TESK2: variants seen among roughly 807,000 people sequenced by gnomAD.
TESK2 encodes dual specificity testis-specific protein kinase 2.
A neutral mutation model predicts 57.1 loss-of-function variants in TESK2; 39 were observed. The observed-to-expected ratio is 0.68, with a 90% confidence interval of 0.53 to 0.89. The LOEUF is 0.89. Among genes scored for constraint, TESK2 ranks in the 40% least tolerant of loss-of-function variants. The probability of loss-of-function intolerance (pLI) is 0.00; values close to 1 mark genes in which losing one functional copy is unlikely to be tolerated. For synonymous variants in TESK2, 249 were observed against 267.9 expected, an observed-to-expected ratio of 0.93 and a Z score of 0.69; for missense variants, 646 against 732.1, an observed-to-expected ratio of 0.88 and a Z score of 1.36.
chr1:45,453,341 CAAAA>C (rs560016914), intron 2 of TESK2, among the ~76,000 whole-genome samples: 2 of 53,156 alleles, frequency 3.8e-5, no homozygotes, highest in Non-Finnish European at 8.5e-5. Flanking sequence ...GACCCTGTCT[CAAAA>C]AAAAAAAAAA....
At chr1:45,474,311 G>A (rs1405547743) in intron 1 of TESK2, among the ~76,000 whole-genome samples, 1 of 152,004 alleles carries the variant, frequency 6.6e-6, no homozygotes, top group Admixed American at 6.6e-5. Flanking sequence ...CCTGGGTGAT[G>A]GAGTGAGATT....
chr1:45,382,367 T>C (rs979881079), intron 4 of TESK2, among the ~76,000 whole-genome samples: 8 of 152,098 alleles, frequency 5.3e-5, no homozygotes, highest in Admixed American at 5.2e-4. Context: ...GCCTCTCCAA[T>C]AGCTGGGACT....
intron 4 of TESK2, among the ~76,000 whole-genome samples, chr1:45,375,523 C>A (rs1648367966): frequency 1.3e-5 from 2 of 149,656 alleles, no homozygotes; most frequent in South Asian, 2.1e-4. Flanking sequence ...AAATTGTAAA[C>A]CACCTAGCAC....
intron 2 of TESK2, among the ~76,000 whole-genome samples, chr1:45,441,266 G>A (rs558106643): frequency 2.2e-4 from 33 of 152,248 alleles, no homozygotes; most frequent in African/African-American, 7.5e-4. Flanking sequence ...TGCCTCCCGG[G>A]TTCAAGCAAT....
At chr1:45,433,892 C>T (rs1308051476) in intron 2 of TESK2, among the ~76,000 whole-genome samples, 1 of 152,182 alleles carries the variant, frequency 6.6e-6, no homozygotes, top group African/African-American at 2.4e-5. Context: ...TACTAATTTA[C>T]ATTCCCCCCA....
At chr1:45,385,710 G>GTATGTATATATATATATATATATATA (rs1553147676) in intron 4 of TESK2, among the ~76,000 whole-genome samples, 1 of 135,284 alleles carries the variant, frequency 7.4e-6, no homozygotes, top group African/African-American at 3.0e-5. Context: ...GTGTGTGTGT[G>GTATGTATATATATATATATATATATA]TATATATATA....
intron 3 of TESK2, among the ~76,000 whole-genome samples, chr1:45,403,882 G>GAAAAA (rs562862639): frequency 1.2e-5 from 1 of 84,878 alleles, no homozygotes; most frequent in Admixed American, 1.3e-4. Context: ...CCATGCAAGC[G>GAAAAA]AAAAAAAAAA....
chr1:45,462,954 G>T (rs1652395034), intron 1 of TESK2, among the ~76,000 whole-genome samples: 1 of 152,168 alleles, frequency 6.6e-6, no homozygotes, highest in Non-Finnish European at 1.5e-5. Flanking sequence ...ATAACTCATT[G>T]TAGTTTTGAT....
intron 2 of TESK2, among the ~76,000 whole-genome samples, chr1:45,424,215 T>C (rs575168895): frequency 1.3e-5 from 2 of 152,288 alleles, no homozygotes; most frequent in East Asian, 3.9e-4. Flanking sequence ...GAAATGACAA[T>C]AGCTCCACAA....
intron 1 of TESK2, among the ~76,000 whole-genome samples, chr1:45,485,706 GA>G (rs1344998162): frequency 1.3e-5 from 2 of 149,004 alleles, no homozygotes; most frequent in Non-Finnish European, 3.0e-5. Context: ...TTTTAGTAGA[GA>G]AGGGGGTTTC....
chr1:45,415,039 G>C, intron 3 of TESK2: 6 of 1,168,060 alleles, frequency 5.1e-6, no homozygotes, highest in Admixed American at 3.5e-5. Flanking sequence ...ACCCCACCAT[G>C]TTCTTCAACA....
chr1:45,419,001 CAG>C (rs796592285), intron 3 of TESK2, among the ~76,000 whole-genome samples: 2 of 145,876 alleles, frequency 1.4e-5, no homozygotes, highest in African/African-American at 5.1e-5. Context: ...TTTTTTGAGA[CAG>C]AGTCTTGCTC....
chr1:45,407,721 T>G (rs772563219), intron 3 of TESK2, among the ~76,000 whole-genome samples: 1 of 152,162 alleles, frequency 6.6e-6, no homozygotes, highest in Non-Finnish European at 1.5e-5. Context: ...TTCCTTCATC[T>G]TTTGCCATGA....
chr1:45,432,633 G>C (rs968292075), intron 2 of TESK2, among the ~76,000 whole-genome samples: 1 of 150,292 alleles, frequency 6.7e-6, no homozygotes, highest in African/African-American at 2.4e-5. Flanking sequence ...GGAGCTTGCA[G>C]TGAGCCGAGA....
chr1:45,491,146 G>A lies in TESK2; in HGVS notation c.-381C>T, dbSNP rs534768309. ...ACAGGGCAGCTGGTAGCTCTGCTGA[G>A]CTCCCGGGCCGCGAAAGACTGAAAC... On this transcript the variant is annotated 5_prime_UTR_variant, in exon 1 of 11. Coordinates refer to ENST00000372086, the MANE Select transcript of TESK2 (RefSeq NM_007170.3). The A allele has an allele frequency of 6.6e-6, 1 of 152,398 alleles. No individual in the cohort carries two copies. The highest frequency in any genetic ancestry group is 6.5e-5 in the Admixed American group (1 of 15,310). The allele number at this position is 152,398 out of a possible 1,614,324, so 9.4% of individuals were successfully genotyped here. A position where few individuals can be genotyped will look rare whatever the true frequency, so the allele number is the denominator to read the frequency against.
At chr1:45,362,251 A>G (rs906391597) in intron 4 of TESK2, among the ~76,000 whole-genome samples, 6 of 152,248 alleles carry the variant, frequency 3.9e-5, no homozygotes, top group Admixed American at 2.6e-4. Context: ...GACTAAGACA[A>G]CTGCCTAGGC....
At chr1:45,477,605 G>A (rs1331717587) in intron 1 of TESK2, among the ~76,000 whole-genome samples, 1 of 151,378 alleles carries the variant, frequency 6.6e-6, no homozygotes, top group Non-Finnish European at 1.5e-5. Flanking sequence ...CTGGGCAGCT[G>A]AACGAGACTC....
At chr1:45,364,148 G>A (rs2149267922) in intron 4 of TESK2, among the ~76,000 whole-genome samples, 1 of 152,246 alleles carries the variant, frequency 6.6e-6, no homozygotes, top group East Asian at 1.9e-4. Flanking sequence ...ATCTAATGGG[G>A]GTTGAATTAC....
intron 2 of TESK2, among the ~76,000 whole-genome samples, chr1:45,453,993 A>C (rs528403479): frequency 1.4e-4 from 21 of 152,310 alleles, no homozygotes; most frequent in Admixed American, 1.0e-3. Context: ...ACCAAATAGG[A>C]TGATTACCAT....
Sources: gnomAD v4.1 joint callset for allele counts (sites outside exome capture counted in the v4.1 genomes callset) on GRCh38, gnomAD v4.1.1 for gene constraint, MANE v1.5 for transcripts, NCBI Gene and HGNC (gene_info 2026-07-23, HGNC 2026-07-21) for gene names.